Variants in ALMS1 observed in about 807,000 individuals in gnomAD.
The protein encoded by ALMS1 is centrosome-associated protein ALMS1.
Under a neutral mutation model 352.2 loss-of-function variants are expected in ALMS1, and 271 were observed. The observed-to-expected ratio is 0.77, with a 90% confidence interval of 0.70 to 0.85. The LOEUF (loss-of-function observed/expected upper bound fraction) is 0.85, where lower values mean the gene tolerates loss of function less well. Among genes scored for constraint, ALMS1 ranks in the 40% least tolerant of loss-of-function variants. ALMS1 has a pLI of 0.00. For missense variants in ALMS1, 5,445 were observed against 4,870.7 expected (o/e 1.12, Z -3.51); for synonymous variants, 1,865 against 1,761.2 (o/e 1.06, Z -1.48).
At chr2:73,609,117 C>T (rs182309776) in intron 22 of ALMS1, among the ~76,000 whole-genome samples, 11 of 152,182 alleles carry the variant, frequency 7.2e-5, no homozygotes, top group African/African-American at 2.7e-4. Context: ...GAAACCAGAC[C>T]GGCTCCTATG....
chr2:73,508,099 T>C (rs1673370371), intron 10 of ALMS1, among the ~76,000 whole-genome samples: 1 of 150,890 alleles, frequency 6.6e-6, no homozygotes, highest in Admixed American at 6.6e-5. Context: ...GAGTTTTCTT[T>C]TCTCTTTTCT....
intron 13 of ALMS1, among the ~76,000 whole-genome samples, chr2:73,554,225 C>A (rs1237647346): frequency 6.8e-6 from 1 of 146,506 alleles, no homozygotes; most frequent in Non-Finnish European, 1.5e-5. Flanking sequence ...AAATATAATT[C>A]CAGGACAAAA....
chr2:73,609,423 A>G, intron 22 of ALMS1, 145 bp from the exon 23 acceptor site: 2 of 770,810 alleles, frequency 2.6e-6, no homozygotes, highest in Admixed American at 2.0e-5. Flanking sequence ...TATGACGACC[A>G]TAGTTTCTGA....
chr2:73,448,569 A>T lies in ALMS1; in HGVS notation c.2042A>T (p.Gln681Leu), dbSNP rs748937913. 1 of 1,613,880 alleles carries T rather than the reference A, an allele frequency of 6.2e-7. No homozygotes were observed. Among genetic ancestry groups the T allele is most frequent in the Non-Finnish European group, 8.5e-7 (1 of 1,179,916 alleles). ...HVEDLLFFYR[Q>L]TLPDGHLTDQ... ...GAGGACCTCCTCTTTTTCTATCGAC[A>T]GACCTTGCCAGATGGTCATCTAACT... Residue 681 changes from glutamine to leucine, a missense_variant, in exon 8 of 23, where the codon CAG becomes CTG. Coordinates refer to ENST00000613296, the MANE Select transcript of ALMS1 (RefSeq NM_001378454.1).
chr2:73,475,410 G>T (rs1672562551), intron 9 of ALMS1, among the ~76,000 whole-genome samples: 1 of 151,988 alleles, frequency 6.6e-6, no homozygotes, highest in African/African-American at 2.4e-5. Flanking sequence ...CTGTCTTTTT[G>T]ATTATAGCCT....
At position 73,431,867 on chromosome 2, in the gene ALMS1, G is replaced by A. The variant is rs72909337; in HGVS notation, c.1339-331G>A. Among the ~76,000 whole-genome samples the A allele has an allele frequency of 4.4e-3, 672 of 152,228 alleles. 7 individuals carry two copies. The highest frequency in any genetic ancestry group is 0.014 in the African/African-American group (568 of 41,540). On this transcript the variant is annotated intron_variant, in intron 6 of 22. Transcript: ENST00000613296. ...GGTTCAAATTCTGCGATGATCATAA[G>A]GAGCAAACTTCTGAGTAACAGAACA... is the stretch of plus-strand genomic sequence containing the variant.
rs1363764884 is a variant in ALMS1, at chr2:73,480,628, C to G, written c.7675-9006C>G. Among the ~76,000 whole-genome samples the G allele has an allele frequency of 4.0e-3, 605 of 151,344 alleles. 5 individuals are homozygous for G. The highest frequency in any genetic ancestry group is 0.012 in the African/African-American group (506 of 41,232). On this transcript the variant is annotated intron_variant, in intron 9 of 22. Transcript: ENST00000613296. ...GCTGGGTCAAATGGTATTTCTAGTT[C>G]TAGATCCCTGAGGAATCGCCACATT...
intron 7 of ALMS1, among the ~76,000 whole-genome samples, chr2:73,447,337 A>G (rs1019065027): frequency 6.6e-6 from 1 of 152,126 alleles, no homozygotes; most frequent in Non-Finnish European, 1.5e-5. Context: ...TTGCCATGCT[A>G]TACAGAATTA....
chr2:73,442,440 A>G (rs1355925688), intron 7 of ALMS1, among the ~76,000 whole-genome samples: 1 of 152,148 alleles, frequency 6.6e-6, no homozygotes, highest in Non-Finnish European at 1.5e-5. Context: ...TGATAGCTTC[A>G]TTCCATATTG....
chr2:73,390,030 G>T (rs1670610870), intron 1 of ALMS1, among the ~76,000 whole-genome samples: 1 of 152,084 alleles, frequency 6.6e-6, no homozygotes, highest in African/African-American at 2.4e-5. Context: ...TCTTACTTCT[G>T]AGAGCCCAGA....
chr2:73,536,344 G>C (rs896765460), intron 12 of ALMS1, among the ~76,000 whole-genome samples: 4 of 152,182 alleles, frequency 2.6e-5, no homozygotes, highest in African/African-American at 9.7e-5. Context: ...CTTAGAGAAA[G>C]ACTGAACAGT....
At chr2:73,462,430 C>G (rs1162573376) in intron 9 of ALMS1, among the ~76,000 whole-genome samples, 1 of 152,172 alleles carries the variant, frequency 6.6e-6, no homozygotes, top group African/African-American at 2.4e-5. Flanking sequence ...ACCACCAGGC[C>G]TGCCCTAAAA....
At chr2:73,493,074 A>G (rs1312465184) in intron 10 of ALMS1, among the ~76,000 whole-genome samples, 2 of 152,218 alleles carry the variant, frequency 1.3e-5, no homozygotes, top group East Asian at 3.8e-4. Context: ...ATACCTTAAA[A>G]ATGAGATAAA....
chr2:73,606,079 T>C (rs1036522524), intron 21 of ALMS1, among the ~76,000 whole-genome samples: 1 of 152,162 alleles, frequency 6.6e-6, no homozygotes, highest in African/African-American at 2.4e-5. Context: ...AACCAGACAT[T>C]AAAGAGTTTT....
chr2:73,400,431 T>C (rs944778886), intron 1 of ALMS1, among the ~76,000 whole-genome samples: 1 of 152,216 alleles, frequency 6.6e-6, no homozygotes, highest in African/African-American at 2.4e-5. Flanking sequence ...TGTCTGGTAT[T>C]GGCAGTAGGG....
chr2:73,558,084 A>AT (rs1301704389), intron 14 of ALMS1, among the ~76,000 whole-genome samples: 1 of 152,248 alleles, frequency 6.6e-6, no homozygotes, highest in Non-Finnish European at 1.5e-5. Flanking sequence ...GAGAAGCTAT[A>AT]TATACCATTC....
chr2:73,510,281 G>A (rs533066551), intron 10 of ALMS1, among the ~76,000 whole-genome samples: 3 of 152,258 alleles, frequency 2.0e-5, no homozygotes, highest in Admixed American at 6.5e-5. Flanking sequence ...ATCCTTTGGA[G>A]GAGAAGAGGC....
At chr2:73,510,724 TAGC>T (rs760031651) in intron 10 of ALMS1, among the ~76,000 whole-genome samples, 26 of 152,292 alleles carry the variant, frequency 1.7e-4, no homozygotes, top group South Asian at 1.2e-3. Context: ...TTCTGTCCCT[TAGC>T]AGGGCTCGAG....
At chr2:73,403,511 T>C (rs1670912441) in intron 1 of ALMS1, among the ~76,000 whole-genome samples, 2 of 152,308 alleles carry the variant, frequency 1.3e-5, no homozygotes, top group Non-Finnish European at 2.9e-5. Context: ...TTTGGCTCTT[T>C]AGAGTCTTTT....
Sources: gnomAD v4.1 joint callset for allele counts (sites outside exome capture counted in the v4.1 genomes callset) on GRCh38, gnomAD v4.1.1 for gene constraint, MANE v1.5 for transcripts, NCBI Gene and HGNC (gene_info 2026-07-23, HGNC 2026-07-21) for gene names.